Variants in CTNNA2 observed in about 807,000 individuals in gnomAD.
CTNNA2 encodes the protein catenin alpha-2.
A neutral mutation model predicts 101.0 loss-of-function variants in CTNNA2; 42 were observed. That is an observed-to-expected ratio of 0.42 (90% confidence interval 0.32 to 0.54). CTNNA2 has a LOEUF of 0.54. Ranked by LOEUF, CTNNA2 falls within the 20% of genes least tolerant of loss-of-function variation. CTNNA2 has a pLI of 0.14. For missense variants in CTNNA2, 871 were observed against 1,223.1 expected (o/e 0.71, Z 4.29); for synonymous variants, 450 against 456.4 (o/e 0.99, Z 0.18).
intron 1 of CTNNA2, among the ~76,000 whole-genome samples, chr2:79,605,429 C>A (rs183843831): frequency 1.9e-4 from 29 of 151,066 alleles, no homozygotes; most frequent in Non-Finnish European, 3.0e-4. Flanking sequence ...ACTATAAAAC[C>A]GGAGATCAAA....
intron 7 of CTNNA2, among the ~76,000 whole-genome samples, chr2:80,063,320 TC>T (rs1697740579): frequency 6.6e-6 from 1 of 152,180 alleles, no homozygotes; most frequent in Admixed American, 6.5e-5. Context: ...TAGTTATCAA[TC>T]CCATTGTTTT....
At chr2:79,760,805 C>A (rs1409682804) in intron 3 of CTNNA2, among the ~76,000 whole-genome samples, 1 of 152,144 alleles carries the variant, frequency 6.6e-6, no homozygotes, top group African/African-American at 2.4e-5. Flanking sequence ...GTTCATGACC[C>A]TTCTTTTAGA....
chr2:79,836,926 T>C (rs1040040067), intron 3 of CTNNA2, among the ~76,000 whole-genome samples: 11 of 152,160 alleles, frequency 7.2e-5, no homozygotes, highest in African/African-American at 2.4e-4. Flanking sequence ...ACCAGTCATA[T>C]TGGATCAGGG....
chr2:80,067,954 A>T (rs562779369), intron 7 of CTNNA2, among the ~76,000 whole-genome samples: 8 of 152,212 alleles, frequency 5.3e-5, no homozygotes, highest in Non-Finnish European at 7.3e-5. Flanking sequence ...CTTGACCGCA[A>T]CCTGATGAGG....
At chr2:79,262,643 C>A (rs181300041) in intron 2 of CTNNA2, among the ~76,000 whole-genome samples, 1 of 152,048 alleles carries the variant, frequency 6.6e-6, no homozygotes, top group Non-Finnish European at 1.5e-5. Flanking sequence ...GTTTAAAATG[C>A]GAATTCTCAG....
chr2:80,410,594 G>A (rs988484953), intron 8 of CTNNA2, among the ~76,000 whole-genome samples: 1 of 152,146 alleles, frequency 6.6e-6, no homozygotes, highest in Non-Finnish European at 1.5e-5. Context: ...TGGTCTTCTA[G>A]CTTATGTAAA....
intron 14 of CTNNA2, among the ~76,000 whole-genome samples, chr2:80,588,876 T>C (rs940503720): frequency 3.9e-5 from 6 of 152,154 alleles, no homozygotes; most frequent in Non-Finnish European, 8.8e-5. Context: ...AAAATTCCTA[T>C]CCTTTCCAGC....
intron 9 of CTNNA2, among the ~76,000 whole-genome samples, chr2:80,437,566 T>C (rs1231757204): frequency 6.6e-6 from 1 of 152,236 alleles, no homozygotes; most frequent in African/African-American, 2.4e-5. Context: ...ATTGAGTCAA[T>C]GCTTATTTAC....
intron 18 of CTNNA2, among the ~76,000 whole-genome samples, chr2:80,625,435 T>C (rs1005859563): frequency 4.6e-5 from 7 of 152,012 alleles, no homozygotes; most frequent in African/African-American, 7.2e-5. Context: ...TCAGAGGAGT[T>C]CAGAAACTTC....
At chr2:80,222,975 A>G (rs979380752) in intron 7 of CTNNA2, among the ~76,000 whole-genome samples, 3 of 152,130 alleles carry the variant, frequency 2.0e-5, no homozygotes, top group African/African-American at 7.2e-5. Context: ...TGGGGGTTAT[A>G]TTAGTTTTGC....
intron 1 of CTNNA2, among the ~76,000 whole-genome samples, chr2:79,569,687 T>G (rs1426546000): frequency 1.3e-5 from 2 of 152,198 alleles, no homozygotes; most frequent in Non-Finnish European, 2.9e-5. Flanking sequence ...CTGGAAACTC[T>G]ATTTCCCCAT....
chr2:80,512,842 G>A (rs1185336342), intron 9 of CTNNA2, among the ~76,000 whole-genome samples: 1 of 151,498 alleles, frequency 6.6e-6, no homozygotes, highest in African/African-American at 2.4e-5. Context: ...CAGATATACT[G>A]CATATCTATT....
At chr2:80,635,034 A>T (rs1672727966) in intron 18 of CTNNA2, among the ~76,000 whole-genome samples, 1 of 152,128 alleles carries the variant, frequency 6.6e-6, no homozygotes, top group African/African-American at 2.4e-5. Context: ...TCATGTCAAG[A>T]GGTGGTCTTT....
intron 7 of CTNNA2, among the ~76,000 whole-genome samples, chr2:80,221,861 G>A (rs1708596011): frequency 1.3e-5 from 2 of 152,180 alleles, no homozygotes; most frequent in African/African-American, 4.8e-5. Context: ...GCTTTTTATA[G>A]GTTTTTAATT....
chr2:80,264,977 GTTTTT>G (rs34918157), intron 7 of CTNNA2, among the ~76,000 whole-genome samples: 1 of 139,394 alleles, frequency 7.2e-6, no homozygotes, highest in Admixed American at 7.2e-5. Flanking sequence ...GGGAAGAGGT[GTTTTT>G]TTTTTTTTTT....
chr2:79,818,123 T>C (rs1415334742), intron 3 of CTNNA2, among the ~76,000 whole-genome samples: 1 of 152,208 alleles, frequency 6.6e-6, no homozygotes, highest in Non-Finnish European at 1.5e-5. Context: ...TGGCTGTGAT[T>C]ATATAATTAA....
chr2:80,616,353 C>A (rs1036492376), intron 17 of CTNNA2: 1 of 151,576 alleles, frequency 6.6e-6, no homozygotes, highest in African/African-American at 2.4e-5. Context: ...TATTGGAGCC[C>A]CTCTTATTGA....
At chr2:79,305,347 CATATACAT>C (rs1199288887) in intron 2 of CTNNA2, among the ~76,000 whole-genome samples, 2 of 142,264 alleles carry the variant, frequency 1.4e-5, no homozygotes, top group Non-Finnish European at 3.0e-5. Flanking sequence ...TATATACATA[CATATACAT>C]ATATACATAT....
At chr2:79,704,303 T>G (rs909407107) in intron 2 of CTNNA2, among the ~76,000 whole-genome samples, 8 of 152,188 alleles carry the variant, frequency 5.3e-5, no homozygotes, top group African/African-American at 1.9e-4. Context: ...TTTTCTTCCT[T>G]TATTGTTACT....
Sources: gnomAD v4.1 joint callset for allele counts (sites outside exome capture counted in the v4.1 genomes callset) on GRCh38, gnomAD v4.1.1 for gene constraint, MANE v1.5 for transcripts, NCBI Gene and HGNC (gene_info 2026-07-23, HGNC 2026-07-21) for gene names.